TAF15: variants seen among roughly 807,000 people sequenced by gnomAD.
TAF15 encodes TATA-binding protein-associated factor 2N.
A neutral mutation model predicts 102.5 loss-of-function variants in TAF15; 37 were observed. The ratio of observed to expected loss-of-function variants is 0.36; its 90% CI spans 0.28 to 0.47. TAF15 has a LOEUF of 0.47. TAF15 is among the 20% of genes least tolerant of loss of function. The pLI is 0.99. For synonymous variants in TAF15, 273 were observed against 259.2 expected (o/e 1.05, Z -0.51); for missense variants, 652 against 760.7 (o/e 0.86, Z 1.68).
chr17:35,817,792 A>G, intron 2 of TAF15, 37 bp downstream of exon 2: 6 of 1,584,872 alleles, frequency 3.8e-6, no homozygotes, highest in Non-Finnish European at 5.2e-6. Flanking sequence ...ATGAAAGGGT[A>G]GAACTGAGGT....
At chr17:35,826,694 A>G (rs2087332974) in intron 7 of TAF15, among the ~76,000 whole-genome samples, 2 of 149,332 alleles carry the variant, frequency 1.3e-5, no homozygotes, top group Non-Finnish European at 3.0e-5. Flanking sequence ...AGTAGCTGGG[A>G]CTACAGGCGT....
intron 7 of TAF15, among the ~76,000 whole-genome samples, chr17:35,824,637 G>A (rs2087304241): frequency 6.6e-6 from 1 of 152,184 alleles, no homozygotes; most frequent in South Asian, 2.1e-4. Context: ...AGGCAGTAAT[G>A]GAGTAGAAAG....
At chr17:35,827,246 G>C (rs1172253271) in intron 7 of TAF15, among the ~76,000 whole-genome samples, 1 of 150,960 alleles carries the variant, frequency 6.6e-6, no homozygotes, top group Non-Finnish European at 1.5e-5. Flanking sequence ...TGAGGGAGGA[G>C]AATGGTGTGA....
intron 11 of TAF15, 108 bp downstream of exon 11, chr17:35,838,661 C>A: frequency 6.5e-7 from 1 of 1,529,520 alleles, no homozygotes; most frequent in Non-Finnish European, 8.9e-7. Context: ...TTTACTTTTG[C>A]AGATATTAAG....
At chr17:35,826,510 G>A (rs981821671) in intron 7 of TAF15, among the ~76,000 whole-genome samples, 11 of 151,176 alleles carry the variant, frequency 7.3e-5, no homozygotes, top group Non-Finnish European at 1.6e-4. Context: ...ACAGAGTTGT[G>A]TTCCAGTAAA....
chr17:35,838,336 G>C, intron 10 of TAF15, 88 bp from the exon 11 acceptor site: 1 of 1,562,722 alleles, frequency 6.4e-7, no homozygotes, highest in Non-Finnish European at 8.7e-7. Context: ...TGAATTCCTT[G>C]TAAAAAAAAT....
intron 5 of TAF15, among the ~76,000 whole-genome samples, chr17:35,822,318 T>A (rs1423904366): frequency 7.0e-6 from 1 of 143,474 alleles, no homozygotes; most frequent in East Asian, 2.0e-4. Flanking sequence ...TCCAGCAGCC[T>A]GGGCAACAAG....
chr17:35,833,760 C>A, intron 7 of TAF15, 147 bp from the exon 8 acceptor site: 1 of 741,854 alleles, frequency 1.3e-6, no homozygotes, highest in Non-Finnish European at 2.3e-6. Context: ...ACATTTAGAA[C>A]TCTGTGAAAT....
chr17:35,831,193 G>A (rs1408012876), intron 7 of TAF15, among the ~76,000 whole-genome samples: 1 of 152,144 alleles, frequency 6.6e-6, no homozygotes, highest in Non-Finnish European at 1.5e-5. Context: ...ATGAAGTCAG[G>A]AGATTGAGAC....
At chr17:35,828,089 G>C (rs2087352768) in intron 7 of TAF15, among the ~76,000 whole-genome samples, 1 of 152,102 alleles carries the variant, frequency 6.6e-6, no homozygotes, top group Non-Finnish European at 1.5e-5. Flanking sequence ...TTCATTATTA[G>C]TATGCCATCA....
intron 7 of TAF15, among the ~76,000 whole-genome samples, chr17:35,828,755 G>A (rs569009869): frequency 6.9e-4 from 99 of 142,776 alleles, no homozygotes; most frequent in Admixed American, 1.7e-3. Flanking sequence ...TTCCCCCTCC[G>A]CCCCATACCT....
intron 7 of TAF15, among the ~76,000 whole-genome samples, chr17:35,829,062 A>AGT (rs1483567399): frequency 6.9e-6 from 1 of 145,822 alleles, no homozygotes; most frequent in African/African-American, 2.4e-5. Context: ...TATGGAGAAT[A>AGT]GTACTTAAAT....
Position 35,844,924 on chromosome 17 carries a change from G to T in TAF15, c.1625G>T (p.Gly542Val), listed in dbSNP as rs747321705. Residue 542 changes from glycine (G) to valine (V), a missense_variant, in exon 15 of 16, where the codon GGT becomes GTT. Transcript: ENST00000605844. ...GACCGTGGTGGTGGCAGTGGCTACGGTGGAGACCGAAGTGGAGGCTATGGA... is the reference window on the plus strand; with the variant it reads ...GACCGTGGTGGTGGCAGTGGCTACGTTGGAGACCGAAGTGGAGGCTATGGA... Reference protein sequence around the residue: ...GGDRGGGSGYGGDRSGGYGGD... With the variant: ...GGDRGGGSGYVGDRSGGYGGD... 1 of 1,613,192 alleles carries T rather than the reference G, an allele frequency of 6.2e-7. No homozygotes were observed. The highest frequency in any genetic ancestry group is 1.7e-5 in the Admixed American group (1 of 59,958).
intron 1 of TAF15, chr17:35,810,310 A>G (rs2087110473): frequency 6.5e-6 from 1 of 152,814 alleles, no homozygotes; most frequent in Non-Finnish European, 1.5e-5. Flanking sequence ...CATTTACCTT[A>G]AAACATGCAG....
chr17:35,846,945 A>G lies in TAF15; in HGVS notation c.1779A>G (p.Ter593TrpextTer1). ...ATGATCAGCGCAACCGACCATACTG[A>G]TGACTGTTTTGAATGTTCCTTTGTC... ...YRNDQRNRPY[*>W] The change falls in exon 16 of 16, where the codon TGA becomes TGG. Residue 593 changes from the stop codon to tryptophan (W), a stop_lost. Transcript: ENST00000605844. 1 of 1,614,064 alleles carries G rather than the reference A, an allele frequency of 6.2e-7. No individual in the cohort carries two copies. Among genetic ancestry groups the G allele is most frequent in the Non-Finnish European group, 8.5e-7 (1 of 1,180,016 alleles).
chr17:35,844,368 G>T lies in TAF15; in HGVS notation c.1177G>T (p.Asp393Tyr). 6.2e-7 allele frequency: 1 copy of T among 1,614,186 alleles called. No homozygotes were observed. The highest frequency in any genetic ancestry group is 8.5e-7 in the Non-Finnish European group (1 of 1,180,026). Residue 393 changes from aspartate to tyrosine, a missense_variant and splice_region_variant, in exon 14 of 16, where the codon GAT (aspartate) becomes TAT (tyrosine). Asp to Tyr is a radical substitution (Grantham distance 160). Coordinates refer to ENST00000605844, the MANE Select transcript of TAF15 (RefSeq NM_139215.3). ...RPEDSRPSGGDFRGRGYGGER... is the reference protein window; with the variant it reads ...RPEDSRPSGGYFRGRGYGGER... ...AGAGGACTCTCGTCCCTCAGGAGGAGGTGGGTCAGCCTTTTAATAGCATCT... is the reference window on the plus strand; with the variant it reads ...AGAGGACTCTCGTCCCTCAGGAGGATGTGGGTCAGCCTTTTAATAGCATCT...
At chr17:35,831,182 CA>C (rs1328080191) in intron 7 of TAF15, among the ~76,000 whole-genome samples, 1 of 152,130 alleles carries the variant, frequency 6.6e-6, no homozygotes, top group Non-Finnish European at 1.5e-5. Context: ...ACGGGCGGAT[CA>C]TGAAGTCAGG....
rs368895737 is a variant in TAF15, at chr17:35,844,119, G to T, written c.1049G>T (p.Gly350Val). The stretch of plus-strand genomic sequence containing the variant: ...GGTCGTGGAGGCTTTCAAGGGAGAG[G>T]TGGAGACCCCAAAAGTGGGGATTGG... Reference protein sequence around the residue: ...YRGRGGFQGRGGDPKSGDWVC... With the variant: ...YRGRGGFQGRVGDPKSGDWVC... Residue 350 changes from glycine (G) to valine (V), a missense_variant, in exon 13 of 16, where the codon GGT becomes GTT. Gly to Val is a moderately radical substitution (Grantham distance 109). Coordinates refer to ENST00000605844, the MANE Select transcript of TAF15 (RefSeq NM_139215.3). 3 of 1,614,208 alleles carry T rather than the reference G, an allele frequency of 1.9e-6. No individual in the cohort carries two copies. The highest frequency in any genetic ancestry group is 2.5e-6 in the Non-Finnish European group (3 of 1,180,042).
chr17:35,827,443 C>T (rs2087344845), intron 7 of TAF15, among the ~76,000 whole-genome samples: 2 of 152,004 alleles, frequency 1.3e-5, no homozygotes, highest in African/African-American at 4.8e-5. Flanking sequence ...TGGTGGCTCA[C>T]GCCTGTAATT....
Sources: allele counts gnomAD v4.1 joint callset (sites outside exome capture counted in the v4.1 genomes callset), GRCh38; gene constraint gnomAD v4.1.1; transcripts MANE v1.5; gene names NCBI Gene and HGNC (gene_info 2026-07-23, HGNC 2026-07-21).